Variants in WWP2 observed in about 807,000 individuals in gnomAD.
WWP2 encodes WW domain containing E3 ubiquitin protein ligase 2.
Under a neutral mutation model 121.0 loss-of-function variants are expected in WWP2, and 57 were observed. That is an observed-to-expected ratio of 0.47 (90% confidence interval 0.38 to 0.59). The LOEUF is 0.59. Among genes scored for constraint, WWP2 ranks in the 20% least tolerant of loss-of-function variants. WWP2 has a pLI of 0.00. For missense variants in WWP2, 962 were observed against 1,158.9 expected (o/e 0.83, Z 2.47); for synonymous variants, 449 against 441.3 (o/e 1.02, Z -0.22).
intron 6 of WWP2, among the ~76,000 whole-genome samples, chr16:69,849,749 A>C (rs1394592447): frequency 1.3e-5 from 2 of 152,006 alleles, no homozygotes; most frequent in African/African-American, 4.8e-5. Context: ...TTGAGGCTGC[A>C]GTGAGTTATG....
At chr16:69,802,943 C>A (rs1160508561) in intron 4 of WWP2, among the ~76,000 whole-genome samples, 1 of 152,046 alleles carries the variant, frequency 6.6e-6, no homozygotes, top group Non-Finnish European at 1.5e-5. Flanking sequence ...ATACCAAAAT[C>A]TGAAAAAATC....
At chr16:69,849,900 A>C (rs535735525) in intron 6 of WWP2, among the ~76,000 whole-genome samples, 1 of 152,304 alleles carries the variant, frequency 6.6e-6, no homozygotes, top group Admixed American at 6.5e-5. Flanking sequence ...CTTATTATAC[A>C]TTTATTTATT....
rs190382128 is a variant in WWP2, at chr16:69,828,427, C to T, written c.341-11699C>T. Among the ~76,000 whole-genome samples, 53 of 152,246 alleles carry T rather than the reference C, an allele frequency of 3.5e-4. 1 individual carries two copies. In the East Asian group the frequency reaches 7.7e-3, roughly 22 times the overall value. On this transcript the variant is annotated intron_variant, in intron 4 of 23. Coordinates refer to ENST00000359154, the MANE Select transcript of WWP2 (RefSeq NM_001270454.2). ...TGTTGCCCAGGCTGGAGTACAACAG[C>T]GCGATCTCAGCTCACCACAACCTCT...
intron 8 of WWP2, among the ~76,000 whole-genome samples, chr16:69,905,944 A>G (rs753833122): frequency 1.4e-4 from 21 of 152,318 alleles, no homozygotes; most frequent in South Asian, 1.0e-3. Flanking sequence ...TAAAGGATGA[A>G]GGCAAGGATT....
intron 2 of WWP2, among the ~76,000 whole-genome samples, chr16:69,791,232 CTT>C (rs1555546040): frequency 5.5e-5 from 8 of 145,314 alleles, no homozygotes; most frequent in South Asian, 2.2e-4. Context: ...TTTTTTCTTT[CTT>C]TTTTTTTTTT....
chr16:69,859,437 C>A (rs750890385), intron 6 of WWP2, among the ~76,000 whole-genome samples: 4 of 152,096 alleles, frequency 2.6e-5, no homozygotes, highest in Non-Finnish European at 5.9e-5. Context: ...TGCCTGTCAT[C>A]CCGGTTACTC....
chr16:69,847,881 G>C (rs2057115190), intron 6 of WWP2, among the ~76,000 whole-genome samples: 1 of 152,080 alleles, frequency 6.6e-6, no homozygotes. Context: ...CATGAATTTT[G>C]GTGGGGACAA....
At chr16:69,936,253 G>T (rs2058796110) in intron 18 of WWP2, 59 bp from the exon 19 acceptor site, 2 of 1,609,138 alleles carry the variant, frequency 1.2e-6, no homozygotes, top group Non-Finnish European at 1.7e-6. Context: ...AACAGAGCAG[G>T]ATCCAGGAAA....
rs4464069 is a variant in WWP2 at position 69,782,381 on chromosome 16, C to A, written c.-15-4615C>A. 1.6e-3 allele frequency among the ~76,000 whole-genome samples: 243 copies of A among 151,934 alleles called. 5 individuals are homozygous for A. In the East Asian group the frequency reaches 0.03, roughly 19 times the overall value. On this transcript the variant is annotated intron_variant, in intron 1 of 23. Transcript: ENST00000359154. Reference sequence around the variant, plus strand: ...AACATTGATTGCTTGAGGTTGAGGACGGGGCAGGAGCCAACCAAGAAGGCT... The same window carrying A: ...AACATTGATTGCTTGAGGTTGAGGAAGGGGCAGGAGCCAACCAAGAAGGCT...
chr16:69,796,183 T>C (rs898576952), intron 2 of WWP2, among the ~76,000 whole-genome samples: 5 of 152,112 alleles, frequency 3.3e-5, no homozygotes, highest in African/African-American at 1.2e-4. Flanking sequence ...CACCCAGAAA[T>C]ATTTAGGAGT....
intron 4 of WWP2, among the ~76,000 whole-genome samples, chr16:69,807,183 A>C (rs1222686196): frequency 1.3e-5 from 2 of 151,804 alleles, no homozygotes; most frequent in African/African-American, 4.8e-5. Flanking sequence ...TTACAGGCAC[A>C]CGTCACCATG....
chr16:69,905,234 G>A (rs1470430748), intron 8 of WWP2, among the ~76,000 whole-genome samples: 1 of 152,170 alleles, frequency 6.6e-6, no homozygotes, highest in African/African-American at 2.4e-5. Context: ...AATTTATTTT[G>A]TCTAATGTTT....
intron 1 of WWP2, among the ~76,000 whole-genome samples, chr16:69,764,712 T>A (rs1311993306): frequency 6.6e-6 from 1 of 152,168 alleles, no homozygotes; most frequent in Admixed American, 6.5e-5. Flanking sequence ...TAGAGTCCAG[T>A]ATGGTGTACA....
chr16:69,909,598 T>C, intron 9 of WWP2: 2 of 985,344 alleles, frequency 2.0e-6, no homozygotes, highest in Non-Finnish European at 2.4e-6. Flanking sequence ...TTTCCGTACC[T>C]CCTGGAGGAT....
At chr16:69,872,965 A>G (rs2057668320) in intron 7 of WWP2, among the ~76,000 whole-genome samples, 1 of 152,282 alleles carries the variant, frequency 6.6e-6, no homozygotes, top group Admixed American at 6.5e-5. Flanking sequence ...TCAAATCTTT[A>G]GAGACTGCTG....
chr16:69,791,789 G>A (rs2055917311), intron 2 of WWP2, among the ~76,000 whole-genome samples: 1 of 151,790 alleles, frequency 6.6e-6, no homozygotes, highest in African/African-American at 2.4e-5. Flanking sequence ...TAAAGTGCTG[G>A]GATTACAGGT....
chr16:69,908,618 G>A, intron 8 of WWP2, 143 bp from the exon 9 acceptor site: 1 of 1,478,504 alleles, frequency 6.8e-7, no homozygotes, highest in Middle Eastern at 1.8e-4. Flanking sequence ...AGCAGGAACT[G>A]GCTTCGCCAT....
intron 6 of WWP2, among the ~76,000 whole-genome samples, chr16:69,845,594 C>T (rs2057058010): frequency 6.6e-6 from 1 of 152,066 alleles, no homozygotes; most frequent in African/African-American, 2.4e-5. Flanking sequence ...ACCCTTTCCT[C>T]TCCTTCTTTC....
chr16:69,909,749 T>C (rs2058352791), intron 9 of WWP2: 1 of 939,126 alleles, frequency 1.1e-6, no homozygotes, highest in Non-Finnish European at 1.3e-6. Flanking sequence ...TGTTTTGTTA[T>C]GAAAATTATG....
Sources: gnomAD v4.1 joint callset for allele counts (sites outside exome capture counted in the v4.1 genomes callset) on GRCh38, gnomAD v4.1.1 for gene constraint, MANE v1.5 for transcripts, NCBI Gene and HGNC (gene_info 2026-07-23, HGNC 2026-07-21) for gene names.